Variants in PRIM2 observed in about 807,000 individuals in gnomAD.
PRIM2 encodes the protein DNA primase subunit 2, also known as DNA primase large subunit.
Under a neutral mutation model 67.3 loss-of-function variants are expected in PRIM2, and 39 were observed. That is an observed-to-expected ratio of 0.58 (90% CI 0.45 to 0.76). The LOEUF (loss-of-function observed/expected upper bound fraction) is 0.76. Ranked by LOEUF, PRIM2 falls within the 30% of genes least tolerant of loss-of-function variation. PRIM2 has a pLI of 0.00. For synonymous variants in PRIM2, 143 were observed against 198.7 expected, an observed-to-expected ratio of 0.72 and a Z score of 2.36; for missense variants, 398 against 598.7, an observed-to-expected ratio of 0.66 and a Z score of 3.50.
chr6:57,239,484 C>T, the PRIM2 span, among the ~76,000 whole-genome samples: 27 of 152,144 alleles, frequency 1.8e-4, no homozygotes, highest in East Asian at 3.1e-3. Flanking sequence ...CCTATAATTT[C>T]AGCACTTTGG....
At chr6:57,558,570 ATGT>A (rs1487510654) in intron 10 of PRIM2, among the ~76,000 whole-genome samples, 2 of 152,260 alleles carry the variant, frequency 1.3e-5, no homozygotes, top group African/African-American at 4.8e-5. Context: ...AGCTGAGAGC[ATGT>A]TATTAAGTTT....
At chr6:57,332,698 G>A (rs898762967) in intron 5 of PRIM2, among the ~76,000 whole-genome samples, 2 of 151,852 alleles carry the variant, frequency 1.3e-5, no homozygotes, top group African/African-American at 4.8e-5. Flanking sequence ...ATCTTTTATG[G>A]TTGTTGTTTA....
intron 10 of PRIM2, among the ~76,000 whole-genome samples, chr6:57,592,557 G>A (rs1776299746): frequency 6.6e-6 from 1 of 152,184 alleles, no homozygotes; most frequent in African/African-American, 2.4e-5. Flanking sequence ...CACTTTGGGA[G>A]GCTGAGGTGG....
At chr6:57,224,489 A>G in the PRIM2 span, among the ~76,000 whole-genome samples, 2 of 152,198 alleles carry the variant, frequency 1.3e-5, no homozygotes, top group Admixed American at 1.3e-4. Context: ...CTAGCTTTGC[A>G]AGATGAAGAA....
At chr6:57,294,814 CTTT>C in the PRIM2 span, among the ~76,000 whole-genome samples, 1 of 144,100 alleles carries the variant, frequency 6.9e-6, no homozygotes. Context: ...CATTTTATGA[CTTT>C]TTTTTTTTTT....
intron 13 of PRIM2, among the ~76,000 whole-genome samples, chr6:57,633,103 T>G (rs1487346932): frequency 1.3e-5 from 2 of 152,190 alleles, no homozygotes; most frequent in Non-Finnish European, 2.9e-5. Context: ...GGCAGAATTA[T>G]GGTGCACTAA....
At chr6:57,556,157 T>C (rs1335026975) in intron 10 of PRIM2, among the ~76,000 whole-genome samples, 1 of 152,094 alleles carries the variant, frequency 6.6e-6, no homozygotes, top group Non-Finnish European at 1.5e-5. Context: ...CACAAACAAA[T>C]GGAAAAACAT....
chr6:57,240,660 C>T, the PRIM2 span, among the ~76,000 whole-genome samples: 1 of 152,128 alleles, frequency 6.6e-6, no homozygotes, highest in Non-Finnish European at 1.5e-5. Context: ...AGGTAGAAGA[C>T]TCCTGAATGG....
At chr6:57,241,210 C>A in the PRIM2 span, among the ~76,000 whole-genome samples, 2 of 138,622 alleles carry the variant, frequency 1.4e-5, no homozygotes, top group African/African-American at 5.5e-5. Flanking sequence ...GGCGACAGAG[C>A]GAGACTCTGT....
At chr6:57,446,537 C>T (rs541288048) in intron 7 of PRIM2, among the ~76,000 whole-genome samples, 20 of 150,944 alleles carry the variant, frequency 1.3e-4, no homozygotes, top group African/African-American at 4.9e-4. Flanking sequence ...CCTCAGCCTC[C>T]CCAGTAGCTG....
chr6:57,485,234 C>A (rs1410089945), intron 7 of PRIM2, among the ~76,000 whole-genome samples: 12,099 of 150,702 alleles, frequency 0.08, 511 homozygotes, highest in Admixed American at 0.1. Flanking sequence ...GGCAGCTTGA[C>A]CCAAATTGAA....
At position 57,539,644 on chromosome 6, in the gene PRIM2, GTGTGTGTGTGTGTATATA is replaced by G. The variant is rs1233515810; in HGVS notation, c.1020+2021_1020+2038del. On this transcript the variant is annotated intron_variant, in intron 10 of 13. Coordinates refer to ENST00000615550, the MANE Select transcript of PRIM2 (RefSeq NM_000947.5). The stretch of plus-strand genomic sequence containing the variant: ...TGTGTGTGTGTGTGTGTGTGTGTGT[GTGTGTGTGTGTGTATATA>G]TATATATATATGCATTCACCAGGAA... Among the ~76,000 whole-genome samples the G allele has an allele frequency of 5.4e-4, 39 of 72,472 alleles. 2 individuals are homozygous for G. The highest frequency in any genetic ancestry group is 2.0e-3 in the Admixed American group (14 of 7,068). 47.5% of individuals were successfully genotyped at this position (72,472 alleles called of 152,430 possible). A position where few individuals can be genotyped will look rare whatever the true frequency, so the allele number is the denominator to read the frequency against.
chr6:57,238,943 G>A, the PRIM2 span, among the ~76,000 whole-genome samples: 29 of 152,052 alleles, frequency 1.9e-4, no homozygotes, highest in Admixed American at 9.8e-4. Flanking sequence ...CTAGTCACAC[G>A]TCTCTCTATA....
Position 57,338,511 on chromosome 6 carries a change from T to C in PRIM2, c.459+12466T>C, listed in dbSNP as rs1768352368. Reference sequence around the variant, plus strand: ...AGCACATCAAAAAGCTTATCCACCATGATCAAGTGGGCTTCATCCCTGGGA... The same window carrying C: ...AGCACATCAAAAAGCTTATCCACCACGATCAAGTGGGCTTCATCCCTGGGA... On this transcript the variant is annotated intron_variant, in intron 5 of 13. Transcript: ENST00000615550. 4.0e-5 allele frequency among the ~76,000 whole-genome samples: 6 copies of C among 150,694 alleles called. No individual in the cohort carries two copies. The South Asian group carries it at 1.3e-3, about 32-fold the overall frequency.
chr6:57,408,989 C>T (rs1304989205), intron 7 of PRIM2, among the ~76,000 whole-genome samples: 2 of 152,096 alleles, frequency 1.3e-5, no homozygotes, highest in Non-Finnish European at 2.9e-5. Flanking sequence ...ATTCATTCTT[C>T]TATTCTTTTA....
the PRIM2 span, among the ~76,000 whole-genome samples, chr6:57,301,431 G>A: frequency 6.6e-6 from 1 of 152,318 alleles, no homozygotes; most frequent in East Asian, 1.9e-4. Flanking sequence ...AGGTTGCGGT[G>A]AGCCAAGATC....
At chr6:57,548,441 G>A (rs1445261982) in intron 10 of PRIM2, among the ~76,000 whole-genome samples, 1 of 152,178 alleles carries the variant, frequency 6.6e-6, no homozygotes, top group African/African-American at 2.4e-5. Context: ...GTTGGGGTGG[G>A]CAGGAGCAGT....
chr6:57,444,583 A>T (rs1466855900), intron 7 of PRIM2, among the ~76,000 whole-genome samples: 7 of 149,386 alleles, frequency 4.7e-5, no homozygotes, highest in Non-Finnish European at 7.4e-5. Flanking sequence ...AAAAAAAAAA[A>T]TTATGGTATT....
At chr6:57,388,089 A>G (rs914611545) in intron 7 of PRIM2, among the ~76,000 whole-genome samples, 1 of 152,304 alleles carries the variant, frequency 6.6e-6, no homozygotes, top group Non-Finnish European at 1.5e-5. Flanking sequence ...GAGTGCTACC[A>G]TGTGAGGCTG....
Sources: allele counts gnomAD v4.1 joint callset (sites outside exome capture counted in the v4.1 genomes callset), GRCh38; gene constraint gnomAD v4.1.1; transcripts MANE v1.5; gene names NCBI Gene and HGNC (gene_info 2026-07-23, HGNC 2026-07-21).